The following SORCS3 variants were observed in gnomAD, a reference collection of about 807,000 sequenced individuals.
The protein encoded by SORCS3 is sortilin related VPS10 domain containing receptor 3, also known as VPS10 domain-containing receptor SorCS3.
A neutral mutation model predicts 146.3 loss-of-function variants in SORCS3; 57 were observed. That is an observed-to-expected ratio of 0.39 (90% CI 0.31 to 0.49). The LOEUF (loss-of-function observed/expected upper bound fraction) is 0.49. Among genes scored for constraint, SORCS3 ranks in the 20% least tolerant of loss-of-function variants. The pLI is 0.92. For missense variants in SORCS3, 1,341 were observed against 1,575.5 expected, an observed-to-expected ratio of 0.85 and a Z score of 2.52; for synonymous variants, 653 against 618.5, an observed-to-expected ratio of 1.06 and a Z score of -0.83.
At chr10:104,717,264 G>A (rs146363324) in intron 1 of SORCS3, among the ~76,000 whole-genome samples, 3 of 145,324 alleles carry the variant, frequency 2.1e-5, no homozygotes, top group African/African-American at 7.7e-5. Context: ...CAGCCTGGGT[G>A]ACAGAGGGGA....
chr10:104,990,143 A>G (rs989464890), intron 4 of SORCS3, among the ~76,000 whole-genome samples: 1 of 152,210 alleles, frequency 6.6e-6, no homozygotes, highest in African/African-American at 2.4e-5. Flanking sequence ...GTACCTGGGA[A>G]TTAGGGGCAG....
At chr10:105,236,308 A>T (rs940379620) in intron 20 of SORCS3, among the ~76,000 whole-genome samples, 4 of 152,156 alleles carry the variant, frequency 2.6e-5, no homozygotes, top group African/African-American at 9.7e-5. Flanking sequence ...CACTCTCCCC[A>T]GTCCCAGATG....
At chr10:104,727,919 C>A (rs1423256546) in intron 1 of SORCS3, among the ~76,000 whole-genome samples, 8 of 152,048 alleles carry the variant, frequency 5.3e-5, no homozygotes, top group Non-Finnish European at 1.2e-4. Context: ...CATCCTGAAA[C>A]CATCCCCCAC....
rs201042569 is a variant in SORCS3, at chr10:104,977,414, G to A, written c.875G>A (p.Arg292Gln). 42 of 1,613,624 alleles carry A rather than the reference G, an allele frequency of 2.6e-5. No individual in the cohort carries two copies. Among genetic ancestry groups the A allele is most frequent in the Admixed American group, 1.3e-4 (8 of 59,994 alleles). Residue 292 changes from arginine to glutamine, a missense_variant, in exon 4 of 27, where the codon CGG (arginine) becomes CAG (glutamine). Arg to Gln is a conservative substitution (Grantham distance 43). Coordinates refer to ENST00000369701, the MANE Select transcript of SORCS3 (RefSeq NM_014978.3). ...GAAGGGGCGACCTATCAGAAGTATCGGCTCACCTTCTATATCCAGAGCCTG... is the reference window on the plus strand; with the variant it reads ...GAAGGGGCGACCTATCAGAAGTATCAGCTCACCTTCTATATCCAGAGCCTG... Reference protein sequence around the residue: ...SDEGATYQKYRLTFYIQSLLF... With the variant: ...SDEGATYQKYQLTFYIQSLLF...
At chr10:104,925,496 A>G (rs1161015417) in intron 3 of SORCS3, among the ~76,000 whole-genome samples, 2 of 152,204 alleles carry the variant, frequency 1.3e-5, no homozygotes, top group African/African-American at 2.4e-5. Context: ...CCCCTTTTCA[A>G]TGGGCATTGC....
chr10:104,861,540 T>A (rs1310335797), intron 2 of SORCS3, among the ~76,000 whole-genome samples: 1 of 152,086 alleles, frequency 6.6e-6, no homozygotes, highest in Non-Finnish European at 1.5e-5. Context: ...TCCAGTAAGG[T>A]CTCATGACTT....
chr10:105,004,000 C>CTTT (rs1226455197), intron 4 of SORCS3, among the ~76,000 whole-genome samples: 2 of 140,290 alleles, frequency 1.4e-5, no homozygotes, highest in Admixed American at 7.1e-5. Flanking sequence ...TCTTCTCTCT[C>CTTT]TTTTTTTTTT....
intron 3 of SORCS3, among the ~76,000 whole-genome samples, chr10:104,929,363 A>G: frequency 6.6e-6 from 1 of 152,158 alleles, no homozygotes; most frequent in East Asian, 1.9e-4. Flanking sequence ...ACTCCATATC[A>G]ATGTAGCTGG....
chr10:105,087,497 A>AAAAAAG (rs771730643), intron 5 of SORCS3, among the ~76,000 whole-genome samples: 1 of 151,846 alleles, frequency 6.6e-6, no homozygotes, highest in Non-Finnish European at 1.5e-5. Context: ...GAAAAAAAAA[A>AAAAAAG]AAAGAAAGAA....
At chr10:105,137,009 G>A (rs1426105239) in intron 7 of SORCS3, among the ~76,000 whole-genome samples, 5 of 152,164 alleles carry the variant, frequency 3.3e-5, no homozygotes, top group African/African-American at 9.7e-5. Flanking sequence ...TCAAGGCTGC[G>A]GGGCTGATCA....
At chr10:105,094,164 A>G (rs1407259563) in intron 6 of SORCS3, among the ~76,000 whole-genome samples, 1 of 152,190 alleles carries the variant, frequency 6.6e-6, no homozygotes, top group African/African-American at 2.4e-5. Flanking sequence ...GGAAAGACAA[A>G]CTATATAGAT....
chr10:105,014,843 AAG>A (rs546379165), intron 4 of SORCS3, among the ~76,000 whole-genome samples: 42 of 152,302 alleles, frequency 2.8e-4, no homozygotes, highest in Admixed American at 9.8e-4. Flanking sequence ...ACAGAGCTAG[AAG>A]GTGCCATCTA....
At chr10:104,652,448 A>G (rs1035755644) in intron 1 of SORCS3, among the ~76,000 whole-genome samples, 1 of 152,186 alleles carries the variant, frequency 6.6e-6, no homozygotes, top group Admixed American at 6.5e-5. Flanking sequence ...GATGGTGCAC[A>G]TGGAAGCATT....
At chr10:104,669,924 GA>G (rs1188983293) in intron 1 of SORCS3, among the ~76,000 whole-genome samples, 1 of 151,958 alleles carries the variant, frequency 6.6e-6, no homozygotes, top group Non-Finnish European at 1.5e-5. Context: ...CATCTGAATG[GA>G]AGAAGTAGTA....
At chr10:104,879,664 C>G (rs1433623556) in intron 2 of SORCS3, among the ~76,000 whole-genome samples, 1 of 152,168 alleles carries the variant, frequency 6.6e-6, no homozygotes, top group Middle Eastern at 3.2e-3. Flanking sequence ...GCAAGCCAGA[C>G]AAAGATGCCT....
At chr10:105,215,903 G>A (rs2056662052) in intron 18 of SORCS3, among the ~76,000 whole-genome samples, 2 of 133,354 alleles carry the variant, frequency 1.5e-5, no homozygotes, top group Admixed American at 1.9e-4. Flanking sequence ...ACAGAGCAAT[G>A]CTATTCTTCA....
chr10:104,899,313 C>T (rs1399237890), intron 2 of SORCS3, among the ~76,000 whole-genome samples: 1 of 152,146 alleles, frequency 6.6e-6, no homozygotes, highest in Non-Finnish European at 1.5e-5. Context: ...AGGGAGATTC[C>T]TGCCATATAA....
chr10:104,674,520 C>A (rs2015891950), intron 1 of SORCS3, among the ~76,000 whole-genome samples: 1 of 152,200 alleles, frequency 6.6e-6, no homozygotes, highest in Non-Finnish European at 1.5e-5. Flanking sequence ...GGCCCTATAT[C>A]CATAGTGAGT....
intron 1 of SORCS3, among the ~76,000 whole-genome samples, chr10:104,753,618 A>G (rs1245763810): frequency 6.6e-6 from 1 of 152,130 alleles, no homozygotes. Flanking sequence ...TAAGGATCCT[A>G]ATTTGTGACT....
Sources: allele counts gnomAD v4.1 joint callset (sites outside exome capture counted in the v4.1 genomes callset), GRCh38; gene constraint gnomAD v4.1.1; transcripts MANE v1.5; gene names NCBI Gene and HGNC (gene_info 2026-07-23, HGNC 2026-07-21).